Variants in ARHGAP27 observed in about 807,000 individuals in gnomAD.
ARHGAP27 encodes the protein Rho GTPase activating protein 27.
A neutral mutation model predicts 102.0 loss-of-function variants in ARHGAP27; 53 were observed. The ratio of observed to expected loss-of-function variants is 0.52; its 90% CI spans 0.42 to 0.65. The LOEUF (loss-of-function observed/expected upper bound fraction) is 0.65, where lower values mean the gene tolerates loss of function less well. Ranked by LOEUF, ARHGAP27 falls within the 30% of genes least tolerant of loss-of-function variation. The pLI, the probability that ARHGAP27 is intolerant of heterozygous loss-of-function variation, is 0.00. For synonymous variants in ARHGAP27, 525 were observed against 542.8 expected (o/e 0.97, Z 0.46); for missense variants, 1,117 against 1,256.2 (o/e 0.89, Z 1.68).
At chr17:45,396,640 G>A in intron 15 of ARHGAP27, 28 bp downstream of exon 15, 3 of 1,612,564 alleles carry the variant, frequency 1.9e-6, no homozygotes, top group Non-Finnish European at 2.5e-6. Flanking sequence ...CCGGTCCCGG[G>A]TCCCCGCCCC....
At chr17:45,417,107 G>A (rs1361050567) in intron 4 of ARHGAP27, among the ~76,000 whole-genome samples, 1 of 150,442 alleles carries the variant, frequency 6.6e-6, no homozygotes, top group African/African-American at 2.4e-5. Context: ...GGTGAGCCGA[G>A]ATCGAGCCAT....
chr17:45,404,832 C>G, intron 6 of ARHGAP27, 92 bp downstream of exon 6: 1 of 1,576,140 alleles, frequency 6.3e-7, no homozygotes, highest in Non-Finnish European at 8.7e-7. Flanking sequence ...TGTGTGGGAG[C>G]TGCGGTTTAG....
chr17:45,410,777 G>T (rs931852084), intron 4 of ARHGAP27, among the ~76,000 whole-genome samples: 1 of 152,056 alleles, frequency 6.6e-6, no homozygotes, highest in East Asian at 1.9e-4. Flanking sequence ...ATGAGTGGTT[G>T]TCCACTCCCT....
intron 4 of ARHGAP27, chr17:45,425,715 G>C (rs2049533385): frequency 4.3e-6 from 4 of 924,720 alleles, no homozygotes; most frequent in Non-Finnish European, 3.9e-6. Flanking sequence ...CCCAGCAGCA[G>C]GGGCGGGCTC....
At position 45,429,574 on chromosome 17, in the gene ARHGAP27, G is replaced by T; in HGVS notation, c.657+49C>A. ...TTGCGCCCCGGCTCCGTGCGGGCGC[G>T]GTCCCTAGCGCGCCACCCGCCTCCG... On this transcript the variant is annotated intron_variant, in intron 4 of 19. Transcript: ENST00000685559. The T allele has an allele frequency of 5.1e-6, 8 of 1,575,384 alleles. 1 individual carries two copies. The African/African-American group carries it at 5.5e-5, about 11-fold the overall frequency.
intron 4 of ARHGAP27, chr17:45,407,667 A>G (rs2144613203): frequency 6.6e-6 from 1 of 151,726 alleles, no homozygotes; most frequent in South Asian, 2.1e-4. Flanking sequence ...GGCACGCACC[A>G]CCACGCCTGG....
chr17:45,427,267 G>A lies in ARHGAP27; in HGVS notation c.657+2356C>T, dbSNP rs527736938. On this transcript the variant is annotated intron_variant, in intron 4 of 19. Coordinates refer to ENST00000685559, the MANE Select transcript of ARHGAP27 (RefSeq NM_001282290.2). The surrounding 1 kb of genome is among the most constrained non-coding windows in gnomAD (Gnocchi z 4.5). ...CTCTGCTAAAAGCCTCACAGCGGCT[G>A]CAGGATAATGTGCACATTCCTGGCA... Among the ~76,000 whole-genome samples, 2 of 152,292 alleles carry A rather than the reference G, an allele frequency of 1.3e-5. No homozygotes were observed. Among genetic ancestry groups the A allele is most frequent in the African/African-American group, 4.8e-5 (2 of 41,564 alleles).
intron 4 of ARHGAP27, among the ~76,000 whole-genome samples, chr17:45,411,039 A>T (rs957380336): frequency 6.6e-6 from 1 of 151,652 alleles, no homozygotes; most frequent in African/African-American, 2.4e-5. Flanking sequence ...ACATGTGCCC[A>T]CTCTCACTTG....
chr17:45,423,620 C>T (rs890755138), intron 4 of ARHGAP27, among the ~76,000 whole-genome samples: 1 of 152,190 alleles, frequency 6.6e-6, no homozygotes, highest in African/African-American at 2.4e-5. Context: ...CATACCATAA[C>T]TGCCATGCCA....
At position 45,395,783 on chromosome 17, in the gene ARHGAP27, T is replaced by C. The variant is rs1025311730; in HGVS notation, c.2453A>G (p.Asn818Ser). 1 of 1,604,846 alleles carries C rather than the reference T, an allele frequency of 6.2e-7. No homozygotes were observed. Among genetic ancestry groups the C allele is most frequent in the Admixed American group, 1.7e-5 (1 of 59,550 alleles). ...GAAGAGCATCCGCAGAGTGTCGTGG[T>C]TGGGAGCGGGCAGCGAGCGCACCAA... Reference protein sequence around the residue: ...RDLVRSLPAPNHDTLRMLFQH... With the variant: ...RDLVRSLPAPSHDTLRMLFQH... Residue 818 changes from asparagine to serine, a missense_variant, in exon 19 of 20, where the codon AAC (asparagine) becomes AGC (serine). This residue lies in a region of ARHGAP27 where 493 missense variants were observed against 505.5 expected (regional missense o/e 0.98). Transcript: ENST00000685559.
chr17:45,425,479 T>G, intron 4 of ARHGAP27: 4 of 886,120 alleles, frequency 4.5e-6, no homozygotes, highest in Non-Finnish European at 5.4e-6. Flanking sequence ...GGCCCCCAGA[T>G]GGGTTTTAGG....
chr17:45,398,470 T>C (rs1359184660), intron 12 of ARHGAP27, among the ~76,000 whole-genome samples: 1 of 152,120 alleles, frequency 6.6e-6, no homozygotes, highest in Admixed American at 6.5e-5. Context: ...GCACGATGGC[T>C]CATACCTGTA....
intron 4 of ARHGAP27, among the ~76,000 whole-genome samples, chr17:45,429,035 G>C (rs2145075903): frequency 6.6e-6 from 1 of 152,352 alleles, no homozygotes; most frequent in South Asian, 2.1e-4. Context: ...GAACTGAAAT[G>C]CTGGAAGCAC....
Position 45,405,913 on chromosome 17 carries a change from C to T in ARHGAP27, c.828G>A (p.Glu276=). ...YNPDTGVTTW[E]SPFEAAEGAA... Reference sequence around the variant, plus strand: ...CACCCTCGGCAGCCTCAAAGGGCGACTCCCAGGTGGTAACTCCCGTGTCTG... The same window carrying T: ...CACCCTCGGCAGCCTCAAAGGGCGATTCCCAGGTGGTAACTCCCGTGTCTG... The change falls in exon 5 of 20, where the codon GAG becomes GAA. Residue 276 remains glutamate, a synonymous_variant. Transcript: ENST00000685559. 1 of 1,535,962 alleles carries T rather than the reference C, an allele frequency of 6.5e-7. No individual in the cohort carries two copies. Among genetic ancestry groups the T allele is most frequent in the Non-Finnish European group, 8.7e-7 (1 of 1,146,828 alleles).
intron 4 of ARHGAP27, among the ~76,000 whole-genome samples, chr17:45,416,971 A>T (rs1042289159): frequency 1.3e-5 from 2 of 151,172 alleles, no homozygotes; most frequent in Admixed American, 1.3e-4. Context: ...CCTGACCAAC[A>T]TGGAGAAACC....
intron 4 of ARHGAP27, among the ~76,000 whole-genome samples, chr17:45,411,105 C>T (rs2047860099): frequency 6.6e-6 from 1 of 152,086 alleles, no homozygotes; most frequent in African/African-American, 2.4e-5. Flanking sequence ...CTCTAAGGAC[C>T]CAGAGAAGAG....
At chr17:45,429,305 G>T in intron 4 of ARHGAP27, 1 of 884,340 alleles carries the variant, frequency 1.1e-6, no homozygotes, top group Non-Finnish European at 1.6e-6. Flanking sequence ...AGCGAAACAT[G>T]AATATTCACA....
chr17:45,416,911 T>C (rs2048522682), intron 4 of ARHGAP27, among the ~76,000 whole-genome samples: 1 of 150,426 alleles, frequency 6.6e-6, no homozygotes, highest in African/African-American at 2.4e-5. Flanking sequence ...TCCCAGTATT[T>C]TGGGAGGCTG....
At chr17:45,422,307 C>T (rs933784265) in intron 4 of ARHGAP27, among the ~76,000 whole-genome samples, 5 of 151,356 alleles carry the variant, frequency 3.3e-5, no homozygotes, top group African/African-American at 7.3e-5. Context: ...GTCCCACGTT[C>T]TCAAGGTGCT....
Sources: allele counts gnomAD v4.1 joint callset (sites outside exome capture counted in the v4.1 genomes callset), GRCh38; gene constraint gnomAD v4.1.1; regional missense constraint gnomAD v4.1.1; non-coding constraint Gnocchi (gnomAD v3.1); transcripts MANE v1.5; gene names NCBI Gene and HGNC (gene_info 2026-07-23, HGNC 2026-07-21).